Variants in AOPEP observed in about 807,000 individuals in gnomAD.
The protein encoded by AOPEP is aminopeptidase O.
AOPEP carries 77 observed loss-of-function variants against 98.1 expected under a neutral mutation model. The ratio of observed to expected loss-of-function variants is 0.78; its 90% CI spans 0.65 to 0.95. AOPEP has a LOEUF of 0.95. AOPEP is among the 40% of genes least tolerant of loss of function. The pLI is 0.00. For missense variants in AOPEP, 1,024 were observed against 1,024.7 expected (o/e 1.00, Z 0.01); for synonymous variants, 346 against 365.3 (o/e 0.95, Z 0.60).
At chr9:95,012,991 G>T (rs1416421259) in intron 13 of AOPEP, among the ~76,000 whole-genome samples, 3 of 139,614 alleles carry the variant, frequency 2.1e-5, no homozygotes, top group Non-Finnish European at 3.1e-5. Flanking sequence ...TTTTTTTGGG[G>T]GGGGGGGCAG....
chr9:95,048,829 AAT>A (rs999122916), intron 13 of AOPEP: 7 of 152,320 alleles, frequency 4.6e-5, no homozygotes, highest in African/African-American at 1.7e-4. Flanking sequence ...CAGGCCTTCA[AAT>A]CAAAAAGGCC....
the AOPEP span, among the ~76,000 whole-genome samples, chr9:95,117,050 C>CT: frequency 6.6e-6 from 1 of 152,230 alleles, no homozygotes; most frequent in South Asian, 2.1e-4. Flanking sequence ...CCTGTGTTAT[C>CT]TGGAGGCAGA....
At chr9:94,990,613 T>A (rs527571192) in intron 11 of AOPEP, among the ~76,000 whole-genome samples, 28 of 60,036 alleles carry the variant, frequency 4.7e-4, no homozygotes, top group South Asian at 1.8e-3. Flanking sequence ...TTATTTAATT[T>A]AATTAATTAA....
At chr9:94,775,926 C>T (rs1841993256) in intron 3 of AOPEP, among the ~76,000 whole-genome samples, 1 of 151,888 alleles carries the variant, frequency 6.6e-6, no homozygotes, top group South Asian at 2.1e-4. Context: ...TTGCAGTGAG[C>T]CGAGATCACG....
chr9:94,791,703 A>G (rs1845764066), intron 3 of AOPEP, among the ~76,000 whole-genome samples: 1 of 152,044 alleles, frequency 6.6e-6, no homozygotes, highest in South Asian at 2.1e-4. Flanking sequence ...AAAACTACCT[A>G]TCGGGTACTA....
intron 5 of AOPEP, among the ~76,000 whole-genome samples, chr9:94,909,041 CATT>C (rs2051598268): frequency 6.6e-6 from 1 of 152,104 alleles, no homozygotes; most frequent in African/African-American, 2.4e-5. Context: ...TTCCCCATGA[CATT>C]ATGGAATAAA....
intron 5 of AOPEP, among the ~76,000 whole-genome samples, chr9:94,881,879 G>C (rs1217915709): frequency 7.2e-5 from 11 of 152,166 alleles, no homozygotes; most frequent in African/African-American, 2.7e-4. Context: ...CTGTGAGGGG[G>C]TTTTGGAGGG....
chr9:94,931,893 C>A, intron 7 of AOPEP: 2 of 1,231,234 alleles, frequency 1.6e-6, no homozygotes. Context: ...CCTTCCTCAC[C>A]TCTCTTGCTG....
At chr9:94,832,939 T>C (rs561566710) in intron 5 of AOPEP, among the ~76,000 whole-genome samples, 7 of 151,964 alleles carry the variant, frequency 4.6e-5, no homozygotes, top group Non-Finnish European at 1.0e-4. Context: ...TTTGATTTTT[T>C]TTTTTTTTTT....
At chr9:94,956,044 A>T in intron 9 of AOPEP, 29 bp downstream of exon 9, 1 of 1,304,016 alleles carries the variant, frequency 7.7e-7, no homozygotes, top group Non-Finnish European at 1.1e-6. Flanking sequence ...TGAGTCCATG[A>T]TGTATGACTG....
At chr9:95,107,271 T>G in the AOPEP span, 1 of 1,613,474 alleles carries the variant, frequency 6.2e-7, no homozygotes, top group Non-Finnish European at 8.5e-7. Flanking sequence ...CACCTGGACC[T>G]GGGCAATAGT....
the AOPEP span, among the ~76,000 whole-genome samples, chr9:95,140,476 A>AAAAACAAAAC: frequency 8.2e-4 from 125 of 151,752 alleles, 2 homozygotes; most frequent in East Asian, 0.012. Flanking sequence ...ATAGCTACAA[A>AAAAACAAAAC]AAAACAAAAC....
chr9:95,117,399 G>C, the AOPEP span: 2 of 1,612,528 alleles, frequency 1.2e-6, no homozygotes, highest in Non-Finnish European at 1.7e-6. Context: ...AGCTGCCACA[G>C]GATGGAAAAT....
At chr9:95,132,391 T>C in the AOPEP span, among the ~76,000 whole-genome samples, 1 of 152,248 alleles carries the variant, frequency 6.6e-6, no homozygotes, top group Non-Finnish European at 1.5e-5. Flanking sequence ...GAAGGCTGCA[T>C]AATTAACAAG....
At chr9:95,037,716 G>A (rs965968239) in intron 13 of AOPEP, among the ~76,000 whole-genome samples, 3 of 152,184 alleles carry the variant, frequency 2.0e-5, no homozygotes, top group African/African-American at 4.8e-5. Flanking sequence ...CCTCTTCAGC[G>A]TCTGTCTGTG....
intron 7 of AOPEP, among the ~76,000 whole-genome samples, chr9:94,954,392 A>G (rs1050324221): frequency 8.5e-5 from 13 of 152,216 alleles, no homozygotes; most frequent in Admixed American, 7.2e-4. Context: ...CCTGGGCCAC[A>G]TTGGAAGAAG....
intron 5 of AOPEP, among the ~76,000 whole-genome samples, chr9:94,860,716 T>C (rs1025429840): frequency 6.6e-6 from 1 of 152,104 alleles, no homozygotes; most frequent in Non-Finnish European, 1.5e-5. Flanking sequence ...GGATGGGTGC[T>C]CCATTGACTA....
chr9:94,864,896 G>C (rs2045537343), intron 5 of AOPEP, among the ~76,000 whole-genome samples: 2 of 152,104 alleles, frequency 1.3e-5, no homozygotes, highest in East Asian at 3.9e-4. Flanking sequence ...AGCAACACTT[G>C]TGTGGCTTTG....
intron 7 of AOPEP, chr9:94,932,055 A>C (rs146101378): frequency 8.8e-7 from 1 of 1,134,602 alleles, no homozygotes; most frequent in African/African-American, 1.6e-5. Context: ...CAGGGATTTA[A>C]ACCCAGGGAC....
Sources: allele counts gnomAD v4.1 joint callset (sites outside exome capture counted in the v4.1 genomes callset), GRCh38; gene constraint gnomAD v4.1.1; transcripts MANE v1.5; gene names NCBI Gene and HGNC (gene_info 2026-07-23, HGNC 2026-07-21).